LRRIQ3: variants seen among roughly 807,000 people sequenced by gnomAD.
The protein encoded by LRRIQ3 is leucine-rich repeat and IQ domain-containing protein 3.
In LRRIQ3, 75 loss-of-function variants were observed where a neutral mutation model predicts 59.3. That is an observed-to-expected ratio of 1.26 (90% confidence interval 1.05 to 1.53). LRRIQ3 has a LOEUF of 1.53. LRRIQ3 is among the 40% of genes most tolerant of loss of function. The pLI is 0.00. For synonymous variants in LRRIQ3, 250 were observed against 231.3 expected, an observed-to-expected ratio of 1.08 and a Z score of -0.73; for missense variants, 831 against 710.0, an observed-to-expected ratio of 1.17 and a Z score of -1.94.
At chr1:74,099,587 A>G (rs1331054466) in intron 5 of LRRIQ3, among the ~76,000 whole-genome samples, 61 of 152,146 alleles carry the variant, frequency 4.0e-4, no homozygotes, top group African/African-American at 1.2e-3. Flanking sequence ...ACCAAAGCCT[A>G]GCAGAGACAC....
chr1:74,087,354 T>C (rs2100508573), intron 5 of LRRIQ3, among the ~76,000 whole-genome samples: 1 of 150,742 alleles, frequency 6.6e-6, no homozygotes, highest in Middle Eastern at 3.4e-3. Flanking sequence ...CCTCTGTTCT[T>C]CTGAATAGTA....
chr1:74,100,882 TC>T (rs1391434068), intron 5 of LRRIQ3, among the ~76,000 whole-genome samples: 2 of 152,150 alleles, frequency 1.3e-5, no homozygotes, highest in Non-Finnish European at 2.9e-5. Flanking sequence ...CTGGATGCCT[TC>T]CTTACACCTT....
At chr1:74,180,594 A>G (rs991830974) in intron 3 of LRRIQ3, 2 of 883,874 alleles carry the variant, frequency 2.3e-6, no homozygotes, top group African/African-American at 3.4e-5. Flanking sequence ...GTAGAGGAGT[A>G]TTTCCACACT....
intron 6 of LRRIQ3, among the ~76,000 whole-genome samples, chr1:74,063,285 TTTC>T (rs1654781386): frequency 6.6e-6 from 1 of 152,104 alleles, no homozygotes; most frequent in South Asian, 2.1e-4. Flanking sequence ...TCTTTTAAAA[TTTC>T]TTGATTCTTT....
chr1:74,129,388 T>G (rs1484603191), intron 4 of LRRIQ3, among the ~76,000 whole-genome samples: 1 of 152,052 alleles, frequency 6.6e-6, no homozygotes, highest in Non-Finnish European at 1.5e-5. Flanking sequence ...TGAGTGAGTA[T>G]TACCTGGTTA....
intron 7 of LRRIQ3, among the ~76,000 whole-genome samples, chr1:74,037,397 G>A (rs1203599714): frequency 6.6e-6 from 1 of 152,132 alleles, no homozygotes; most frequent in East Asian, 1.9e-4. Context: ...CAGCAATTTG[G>A]GAGGCTGAGG....
At chr1:74,123,032 T>C (rs1014846325) in intron 4 of LRRIQ3, among the ~76,000 whole-genome samples, 4 of 152,146 alleles carry the variant, frequency 2.6e-5, no homozygotes, top group East Asian at 1.9e-4. Context: ...TTTGAGAGAA[T>C]AAACATTTAG....
At chr1:74,120,933 C>T (rs893126794) in intron 4 of LRRIQ3, among the ~76,000 whole-genome samples, 1 of 152,060 alleles carries the variant, frequency 6.6e-6, no homozygotes, top group African/African-American at 2.4e-5. Flanking sequence ...TATTGCAGAA[C>T]ATTATGATTG....
chr1:74,109,662 T>G (rs1382163819), intron 4 of LRRIQ3, 109 bp from the exon 5 acceptor site: 21 of 825,626 alleles, frequency 2.5e-5, no homozygotes, highest in Non-Finnish European at 2.9e-5. Context: ...TTAAATTGAA[T>G]GTAATAATAT....
intron 5 of LRRIQ3, among the ~76,000 whole-genome samples, chr1:74,075,499 G>A (rs1031421132): frequency 2.0e-5 from 3 of 151,782 alleles, no homozygotes; most frequent in South Asian, 2.1e-4. Context: ...CCCAGCAGGC[G>A]GACATTGCAG....
chr1:74,111,783 G>A (rs528212757), intron 4 of LRRIQ3, among the ~76,000 whole-genome samples: 11 of 152,082 alleles, frequency 7.2e-5, no homozygotes, highest in African/African-American at 2.2e-4. Context: ...AGTTCAGTAT[G>A]ACAGAAGTTC....
intron 6 of LRRIQ3, among the ~76,000 whole-genome samples, chr1:74,067,444 T>C (rs1230536819): frequency 4.6e-5 from 7 of 152,134 alleles, no homozygotes; most frequent in Non-Finnish European, 1.0e-4. Context: ...CCTCAGAGGC[T>C]ACAAAAGCTT....
intron 4 of LRRIQ3, chr1:74,144,469 GA>G (rs113804389): frequency 1.2e-4 from 32 of 261,648 alleles, no homozygotes; most frequent in Middle Eastern, 5.6e-4. Context: ...TTAAAAATTA[GA>G]AAAAAAATGT....
chr1:74,109,276 A>T (rs1436016465), intron 5 of LRRIQ3, 118 bp downstream of exon 5: 4 of 758,378 alleles, frequency 5.3e-6, no homozygotes, highest in Middle Eastern at 2.6e-4. Context: ...AAAGCAGGAT[A>T]TTAACAATGT....
At chr1:74,087,381 C>CTTTTTTT (rs57068994) in intron 5 of LRRIQ3, among the ~76,000 whole-genome samples, 13 of 59,006 alleles carry the variant, frequency 2.2e-4, no homozygotes, top group South Asian at 8.1e-4. Context: ...AAAATTTTAT[C>CTTTTTTT]TTTTTTTTTT....
At chr1:74,089,208 T>C (rs1470470372) in intron 5 of LRRIQ3, among the ~76,000 whole-genome samples, 1 of 152,228 alleles carries the variant, frequency 6.6e-6, no homozygotes, top group East Asian at 1.9e-4. Flanking sequence ...GCATTTATCA[T>C]GTGAATGCAA....
chr1:74,049,922 T>C (rs926053101), intron 6 of LRRIQ3, among the ~76,000 whole-genome samples: 40 of 150,572 alleles, frequency 2.7e-4, no homozygotes, highest in African/African-American at 8.7e-4. Flanking sequence ...GTGTCTTTTT[T>C]TTCTTTTTTT....
At chr1:74,192,367 T>C (rs1650821982) in intron 1 of LRRIQ3, among the ~76,000 whole-genome samples, 1 of 152,084 alleles carries the variant, frequency 6.6e-6, no homozygotes, top group Non-Finnish European at 1.5e-5. Context: ...ACCCAACAGG[T>C]AGTTTCTTTT....
chr1:74,096,451 T>C (rs1646450638), intron 5 of LRRIQ3, among the ~76,000 whole-genome samples: 1 of 151,952 alleles, frequency 6.6e-6, no homozygotes, highest in African/African-American at 2.4e-5. Flanking sequence ...CAAAAGGCAA[T>C]TATAGGAAAG....
Sources: gnomAD v4.1 joint callset for allele counts (sites outside exome capture counted in the v4.1 genomes callset) on GRCh38, gnomAD v4.1.1 for gene constraint, MANE v1.5 for transcripts, NCBI Gene and HGNC (gene_info 2026-07-23, HGNC 2026-07-21) for gene names.